Variants in EYA4 observed in about 807,000 individuals in gnomAD.
EYA4 encodes protein phosphatase EYA4.
In EYA4, 31 loss-of-function variants were observed where a neutral mutation model predicts 87.9. That is an observed-to-expected ratio of 0.35 (90% CI 0.27 to 0.48). The LOEUF is 0.48. Among genes scored for constraint, EYA4 ranks in the 20% least tolerant of loss-of-function variants. EYA4 has a pLI of 0.99. For missense variants in EYA4, 678 were observed against 761.4 expected (o/e 0.89, Z 1.29); for synonymous variants, 263 against 270.6 (o/e 0.97, Z 0.28).
chr6:133,254,191 G>C (rs60285302), intron 1 of EYA4, among the ~76,000 whole-genome samples: 6,945 of 152,246 alleles, frequency 0.046, 578 homozygotes, highest in African/African-American at 0.16. Flanking sequence ...TCTCGTTGAG[G>C]TTTATGGTCT....
rs1404695954 is a variant in EYA4, at chr6:133,444,007, G to C, written c.84-2623G>C. Among the ~76,000 whole-genome samples, 5 of 152,068 alleles carry C rather than the reference G, an allele frequency of 3.3e-5. No individual in the cohort carries two copies. In the East Asian group the frequency reaches 9.6e-4, roughly 29 times the overall value. On this transcript the variant is annotated intron_variant, in intron 3 of 19. Coordinates refer to ENST00000355286, the MANE Select transcript of EYA4 (RefSeq NM_004100.5). ...ATAGTGTGCATTTTATAATTATTGG[G>C]TATTAGTGTCCTGGAACTGTCAATT...
chr6:133,249,691 C>G (rs974695230), intron 1 of EYA4, among the ~76,000 whole-genome samples: 4 of 152,192 alleles, frequency 2.6e-5, no homozygotes, highest in African/African-American at 4.8e-5. Context: ...GAAAACATCG[C>G]CCCTCTCCCC....
intron 3 of EYA4, among the ~76,000 whole-genome samples, chr6:133,396,447 C>T (rs1002593055): frequency 2.0e-5 from 3 of 152,092 alleles, no homozygotes; most frequent in Admixed American, 6.6e-5. Context: ...AAGACAGATG[C>T]GCCACACCCT....
rs13204843 is a variant in EYA4, at chr6:133,381,718, A to G, written c.34-674A>G. Among the ~76,000 whole-genome samples the G allele has an allele frequency of 9.6e-3, 1,457 of 152,314 alleles. 13 individuals carry two copies. The highest frequency in any genetic ancestry group is 0.015 in the Non-Finnish European group (1,046 of 68,018). ...TATAGATATAAGTGCTTGAAGTGCAATTGTGAAAATCTATGGATTTCACCA... is the reference window on the plus strand; with the variant it reads ...TATAGATATAAGTGCTTGAAGTGCAGTTGTGAAAATCTATGGATTTCACCA... On this transcript the variant is annotated intron_variant, in intron 2 of 19. Coordinates refer to ENST00000355286, the MANE Select transcript of EYA4 (RefSeq NM_004100.5).
intron 1 of EYA4, among the ~76,000 whole-genome samples, chr6:133,254,932 G>A (rs1295531708): frequency 6.6e-6 from 1 of 152,222 alleles, no homozygotes; most frequent in African/African-American, 2.4e-5. Flanking sequence ...TTTCTGATGA[G>A]GAGTTGAGAA....
At chr6:133,464,652 C>T (rs1794691476) in intron 9 of EYA4, 127 bp from the exon 10 acceptor site, 2 of 698,128 alleles carry the variant, frequency 2.9e-6, no homozygotes, top group South Asian at 1.6e-5. Flanking sequence ...ATAAATGTCT[C>T]AACTTCAAAT....
chr6:133,400,666 G>A (rs1015634618), intron 3 of EYA4, among the ~76,000 whole-genome samples: 1 of 151,970 alleles, frequency 6.6e-6, no homozygotes, highest in African/African-American at 2.4e-5. Context: ...TCAATTAAAG[G>A]ATAGTAATAA....
chr6:133,298,588 G>C (rs189644254), intron 2 of EYA4, among the ~76,000 whole-genome samples: 110 of 152,186 alleles, frequency 7.2e-4, no homozygotes, highest in African/African-American at 2.5e-3. Flanking sequence ...ATGTACTTTT[G>C]GCTGTTTGAC....
intron 16 of EYA4, 46 bp downstream of exon 16, chr6:133,513,084 T>C (rs779083806): frequency 2.0e-6 from 3 of 1,536,356 alleles, no homozygotes; most frequent in Non-Finnish European, 2.7e-6. Context: ...TGGGTATAGG[T>C]AGAATTCAAT....
In EYA4 at chr6:133,352,328, A is replaced by G. The variant is rs554882637; in HGVS notation, c.34-30064A>G. Among the ~76,000 whole-genome samples, 10 of 152,070 alleles carry G rather than the reference A, an allele frequency of 6.6e-5. 1 individual carries two copies. Among genetic ancestry groups the G allele is most frequent in the African/African-American group, 2.4e-4 (10 of 41,436 alleles). ...TTGGCTACCATAGATTTGACCAGTA[A>G]TATCTTGTTCAAAAGGAAGTTTGTG... On this transcript the variant is annotated intron_variant, in intron 2 of 19. Transcript: ENST00000355286.
chr6:133,352,394 C>T (rs1783707203), intron 2 of EYA4, among the ~76,000 whole-genome samples: 1 of 151,992 alleles, frequency 6.6e-6, no homozygotes, highest in African/African-American at 2.4e-5. Flanking sequence ...AAAAGGTAAA[C>T]AATGAAACAA....
intron 9 of EYA4, 36 bp from the exon 10 acceptor site, chr6:133,464,743 A>AG: frequency 8.2e-7 from 1 of 1,222,872 alleles, no homozygotes; most frequent in Non-Finnish European, 1.2e-6. Context: ...TTTTACAAGG[A>AG]ATACTTTTAA....
At chr6:133,475,087 A>G (rs909904605) in intron 11 of EYA4, among the ~76,000 whole-genome samples, 1 of 152,114 alleles carries the variant, frequency 6.6e-6, no homozygotes, top group African/African-American at 2.4e-5. Flanking sequence ...GCCTAGGGCA[A>G]TTTTGTAATG....
chr6:133,311,478 A>T (rs1408905312), intron 2 of EYA4, among the ~76,000 whole-genome samples: 1 of 151,828 alleles, frequency 6.6e-6, no homozygotes, highest in African/African-American at 2.4e-5. Flanking sequence ...GGTGTATGCC[A>T]GCATGCCTGG....
chr6:133,341,580 A>G (rs1224449180), intron 2 of EYA4, among the ~76,000 whole-genome samples: 1 of 152,196 alleles, frequency 6.6e-6, no homozygotes, highest in East Asian at 1.9e-4. Flanking sequence ...AATAAATTCT[A>G]GTTTAAAGGT....
chr6:133,328,229 A>G (rs1032950600), intron 2 of EYA4, among the ~76,000 whole-genome samples: 1 of 152,196 alleles, frequency 6.6e-6, no homozygotes, highest in African/African-American at 2.4e-5. Context: ...TGAGGATTAA[A>G]TGAAACAATA....
intron 2 of EYA4, among the ~76,000 whole-genome samples, chr6:133,363,823 T>C (rs1243379817): frequency 1.3e-5 from 2 of 152,152 alleles, no homozygotes; most frequent in African/African-American, 2.4e-5. Flanking sequence ...GGTCCAGTCA[T>C]ACTCATTGAA....
intron 2 of EYA4, among the ~76,000 whole-genome samples, chr6:133,323,288 T>G (rs901459186): frequency 6.6e-6 from 1 of 152,078 alleles, no homozygotes; most frequent in Non-Finnish European, 1.5e-5. Flanking sequence ...AATTATTTAA[T>G]AAGAGCAAGT....
At chr6:133,430,755 C>A (rs963458946) in intron 3 of EYA4, among the ~76,000 whole-genome samples, 2 of 152,200 alleles carry the variant, frequency 1.3e-5, no homozygotes, top group African/African-American at 4.8e-5. Context: ...ATACATTCAA[C>A]AAGTGTTCAT....
Sources: gnomAD v4.1 joint callset for allele counts (sites outside exome capture counted in the v4.1 genomes callset) on GRCh38, gnomAD v4.1.1 for gene constraint, MANE v1.5 for transcripts, NCBI Gene and HGNC (gene_info 2026-07-23, HGNC 2026-07-21) for gene names.